Variants in PHF2 observed in about 807,000 individuals in gnomAD.
The protein encoded by PHF2 is lysine-specific demethylase PHF2.
PHF2 carries 27 observed loss-of-function variants against 120.5 expected under a neutral mutation model. That is an observed-to-expected ratio of 0.22 (90% confidence interval 0.17 to 0.31). The LOEUF (loss-of-function observed/expected upper bound fraction) is 0.31, where lower values mean the gene tolerates loss of function less well. Ranked by LOEUF, PHF2 falls within the 10% of genes least tolerant of loss-of-function variation. The pLI, the probability that PHF2 is intolerant of heterozygous loss-of-function variation, is 1.00. For missense variants in PHF2, 1,024 were observed against 1,434.8 expected (o/e 0.71, Z 4.63); for synonymous variants, 568 against 592.5 (o/e 0.96, Z 0.60).
chr9:93,610,604 A>G (rs1340490076), intron 1 of PHF2, among the ~76,000 whole-genome samples: 2 of 152,148 alleles, frequency 1.3e-5, no homozygotes, highest in Non-Finnish European at 2.9e-5. Flanking sequence ...TTGTCTTTTC[A>G]GACTGTGTAG....
rs1464448650 is a variant in PHF2 at position 93,677,142 on chromosome 9, G to A, written c.3202+179G>A. ...CATCTTTGTGTGAGCGTATCCCACA[G>A]TACAGGACGTGTGCTTTCATCCTTC... On this transcript the variant is annotated intron_variant, in intron 21 of 21. Coordinates refer to ENST00000359246, the MANE Select transcript of PHF2 (RefSeq NM_005392.4). The surrounding 1 kb of genome is among the most constrained non-coding windows in gnomAD (Gnocchi z 4.4). Among the ~76,000 whole-genome samples, 1 of 147,500 alleles carries A rather than the reference G, an allele frequency of 6.8e-6. No individual in the cohort carries two copies. Among genetic ancestry groups the A allele is most frequent in the Non-Finnish European group, 1.5e-5 (1 of 67,070 alleles).
In PHF2 at chr9:93,576,765, C is replaced by T; in HGVS notation, c.-9C>T. On this transcript the variant is annotated 5_prime_UTR_variant, in exon 1 of 22. Transcript: ENST00000359246. ...GCGGCGGGGCCGAGCGGCGGCGCGGCGCGGCAACATGGCGACGGTGCCCGT... is the reference window on the plus strand; with the variant it reads ...GCGGCGGGGCCGAGCGGCGGCGCGGTGCGGCAACATGGCGACGGTGCCCGT... 1.6e-6 allele frequency: 2 copies of T among 1,217,864 alleles called. No homozygotes were observed. Among genetic ancestry groups the T allele is most frequent in the South Asian group, 1.4e-5 (1 of 73,108 alleles). The allele number at this position is 1,217,864 out of a possible 1,614,324, so 75.4% of individuals were successfully genotyped here. A position where few individuals can be genotyped will look rare whatever the true frequency, so the allele number is the denominator to read the frequency against.
intron 19 of PHF2, 97 bp from the exon 20 acceptor site, chr9:93,675,583 G>A (rs1826894876): frequency 1.1e-6 from 1 of 908,120 alleles, no homozygotes; most frequent in Non-Finnish European, 1.7e-6. Context: ...GCCTGGCCAG[G>A]GGGACAGGCT....
intron 17 of PHF2, among the ~76,000 whole-genome samples, chr9:93,672,084 G>C (rs543021656): frequency 7.7e-6 from 1 of 130,472 alleles, no homozygotes; most frequent in African/African-American, 3.2e-5. Flanking sequence ...GTAGATGCAG[G>C]TGTGGGTGTG....
chr9:93,651,885 G>A (rs1017502510), intron 5 of PHF2, among the ~76,000 whole-genome samples: 1 of 152,216 alleles, frequency 6.6e-6, no homozygotes, highest in African/African-American at 2.4e-5. Context: ...GGACATGGCT[G>A]GAGATGGGTC....
chr9:93,622,813 A>G (rs1825846399), intron 1 of PHF2, among the ~76,000 whole-genome samples: 1 of 152,184 alleles, frequency 6.6e-6, no homozygotes, highest in Non-Finnish European at 1.5e-5. Flanking sequence ...GGCATGTTCC[A>G]GGGAGTGCTG....
chr9:93,581,404 C>T (rs62574554), intron 1 of PHF2, among the ~76,000 whole-genome samples: 4 of 152,062 alleles, frequency 2.6e-5, no homozygotes, highest in Admixed American at 6.6e-5. Context: ...CCTCAAATGC[C>T]GGGGAGTACT....
At chr9:93,588,284 G>T (rs1863098778) in intron 1 of PHF2, among the ~76,000 whole-genome samples, 1 of 152,200 alleles carries the variant, frequency 6.6e-6, no homozygotes. Flanking sequence ...TTCTGTCTTT[G>T]TGCCTGGTGG....
intron 1 of PHF2, among the ~76,000 whole-genome samples, chr9:93,609,042 T>A (rs1370392413): frequency 1.2e-4 from 15 of 121,364 alleles, no homozygotes; most frequent in Non-Finnish European, 2.2e-4. Flanking sequence ...GTGATCCCAT[T>A]TTTTTCTCCT....
At chr9:93,599,972 G>T (rs1412205873) in intron 1 of PHF2, among the ~76,000 whole-genome samples, 5 of 152,234 alleles carry the variant, frequency 3.3e-5, no homozygotes, top group Non-Finnish European at 7.3e-5. Context: ...CCCTCATGCT[G>T]CCCAGGAACA....
chr9:93,654,596 G>A, intron 7 of PHF2, 21 bp downstream of exon 7: 1 of 1,608,422 alleles, frequency 6.2e-7, no homozygotes. Context: ...GCAGCTTTGG[G>A]GACCATGTAC....
At chr9:93,613,075 C>G (rs1167064903) in intron 1 of PHF2, among the ~76,000 whole-genome samples, 4 of 152,224 alleles carry the variant, frequency 2.6e-5, no homozygotes, top group African/African-American at 9.6e-5. Flanking sequence ...TGAGATGTGC[C>G]TGGCAAAGCA....
chr9:93,617,599 G>T (rs1453364816), intron 1 of PHF2, among the ~76,000 whole-genome samples: 2 of 152,186 alleles, frequency 1.3e-5, no homozygotes, highest in African/African-American at 4.8e-5. Context: ...GCCGTTTCCT[G>T]TGGTGTCTTT....
chr9:93,650,564 C>T (rs548024764), intron 5 of PHF2, among the ~76,000 whole-genome samples: 81 of 152,348 alleles, frequency 5.3e-4, no homozygotes, highest in East Asian at 2.9e-3. Flanking sequence ...CACTAGTTGT[C>T]GTCAGCCCTG....
intron 9 of PHF2, among the ~76,000 whole-genome samples, chr9:93,657,730 C>T (rs1473723842): frequency 1.3e-5 from 2 of 152,160 alleles, no homozygotes; most frequent in Admixed American, 6.5e-5. Flanking sequence ...GTAGTTGGTC[C>T]CTACACTGTG....
At chr9:93,621,611 T>C (rs1163737836) in intron 1 of PHF2, among the ~76,000 whole-genome samples, 2 of 152,220 alleles carry the variant, frequency 1.3e-5, no homozygotes, top group Non-Finnish European at 2.9e-5. Flanking sequence ...GGGCACGTTA[T>C]GGAGGGCGGG....
chr9:93,623,934 G>A lies in PHF2; in HGVS notation c.99-6036G>A, dbSNP rs1254654388. ...TTGCAGGGTTAGTCTGATACACTGG[G>A]CACTAGCAGTAACAGCTCACTGTCT... On this transcript the variant is annotated intron_variant, in intron 1 of 21. Transcript: ENST00000359246. Among the ~76,000 whole-genome samples, 4 of 152,350 alleles carry A rather than the reference G, an allele frequency of 2.6e-5. No individual in the cohort carries two copies. The East Asian group carries it at 7.7e-4, about 29-fold the overall frequency.
At chr9:93,594,377 C>G (rs978032800) in intron 1 of PHF2, among the ~76,000 whole-genome samples, 2 of 152,226 alleles carry the variant, frequency 1.3e-5, no homozygotes, top group African/African-American at 4.8e-5. Context: ...CATTCCAGGT[C>G]GGGGCGGCTC....
chr9:93,631,494 A>G (rs1826001020), intron 2 of PHF2, among the ~76,000 whole-genome samples: 1 of 152,210 alleles, frequency 6.6e-6, no homozygotes, highest in African/African-American at 2.4e-5. Context: ...TATGCTCAGA[A>G]TGCATCTGCC....
Sources: gnomAD v4.1 joint callset for allele counts (sites outside exome capture counted in the v4.1 genomes callset) on GRCh38, gnomAD v4.1.1 for gene constraint, Gnocchi (gnomAD v3.1) non-coding constraint, MANE v1.5 for transcripts, NCBI Gene and HGNC (gene_info 2026-07-23, HGNC 2026-07-21) for gene names.